Variants in TMEM163 observed in about 807,000 individuals in gnomAD.
TMEM163 encodes the protein transmembrane protein 163.
TMEM163 carries 17 observed loss-of-function variants against 29.3 expected under a neutral mutation model. The observed-to-expected ratio is 0.58, with a 90% confidence interval of 0.40 to 0.87. TMEM163 has a LOEUF of 0.87. TMEM163 is among the 40% of genes least tolerant of loss of function. The pLI, the probability that TMEM163 is intolerant of heterozygous loss-of-function variation, is 0.00. For synonymous variants in TMEM163, 157 were observed against 160.6 expected (o/e 0.98, Z 0.17); for missense variants, 303 against 381.5 (o/e 0.79, Z 1.71).
intron 2 of TMEM163, among the ~76,000 whole-genome samples, chr2:134,582,483 A>G (rs1472040592): frequency 6.6e-6 from 1 of 152,152 alleles, no homozygotes. Context: ...ATAAAACCCC[A>G]TATCTCATTT....
chr2:134,664,538 G>C (rs1473381818), intron 2 of TMEM163, among the ~76,000 whole-genome samples: 1 of 152,192 alleles, frequency 6.6e-6, no homozygotes, highest in Non-Finnish European at 1.5e-5. Flanking sequence ...ATTCAGTAAA[G>C]GTACTTGAGG....
intron 4 of TMEM163, among the ~76,000 whole-genome samples, chr2:134,546,747 A>T (rs1443029659): frequency 6.6e-6 from 1 of 152,036 alleles, no homozygotes; most frequent in Non-Finnish European, 1.5e-5. Flanking sequence ...TGGGAGGCTG[A>T]GGTTGCAGTG....
At chr2:134,625,248 A>C (rs1386453401) in intron 2 of TMEM163, among the ~76,000 whole-genome samples, 2 of 152,250 alleles carry the variant, frequency 1.3e-5, no homozygotes, top group Non-Finnish European at 2.9e-5. Flanking sequence ...CTCAAAAAAA[A>C]GAAATTTCTC....
intron 5 of TMEM163, among the ~76,000 whole-genome samples, chr2:134,497,690 T>C (rs1679603059): frequency 6.6e-6 from 1 of 152,256 alleles, no homozygotes. Flanking sequence ...TACTGGGTAC[T>C]GCATCCATTT....
intron 2 of TMEM163, among the ~76,000 whole-genome samples, chr2:134,658,613 T>G (rs1305413997): frequency 6.6e-6 from 1 of 151,988 alleles, no homozygotes; most frequent in Admixed American, 6.6e-5. Context: ...ATATATATTT[T>G]TTGAGACCGA....
At chr2:134,594,299 C>T (rs1682011020) in intron 2 of TMEM163, among the ~76,000 whole-genome samples, 1 of 152,002 alleles carries the variant, frequency 6.6e-6, no homozygotes, top group Non-Finnish European at 1.5e-5. Flanking sequence ...AAATGTTGAA[C>T]ATTAATGCAA....
chr2:134,656,573 C>A (rs1683622481), intron 2 of TMEM163, among the ~76,000 whole-genome samples: 1 of 152,222 alleles, frequency 6.6e-6, no homozygotes, highest in Admixed American at 6.5e-5. Context: ...GGCTCCTCCC[C>A]CCGCCTTCTA....
rs146916630 is a variant in TMEM163 at position 134,489,299 on chromosome 2, C to T, written c.555+13602G>A. 3.3e-3 allele frequency among the ~76,000 whole-genome samples: 506 copies of T among 152,148 alleles called. 12 individuals are homozygous for T. Among genetic ancestry groups the T allele is most frequent in the Admixed American group, 0.026 (392 of 15,290 alleles). On this transcript the variant is annotated intron_variant, in intron 5 of 7. Transcript: ENST00000281924. ...TAAAAAAGTTGCAGTGTGGGCCAGG[C>T]GTGATGATGATGGTTCACACCTGTA...
chr2:134,695,077 GA>G (rs563546766), intron 2 of TMEM163, among the ~76,000 whole-genome samples: 10 of 151,856 alleles, frequency 6.6e-5, no homozygotes, highest in African/African-American at 1.4e-4. Flanking sequence ...TGGAAAGGAG[GA>G]AAAAAAAATT....
At chr2:134,463,964 G>A (rs71417511) in intron 6 of TMEM163, among the ~76,000 whole-genome samples, 12 of 152,204 alleles carry the variant, frequency 7.9e-5, no homozygotes, top group African/African-American at 2.9e-4. Context: ...CTGCCTGCCT[G>A]TTGCACATGA....
At chr2:134,655,945 C>T (rs1395421695) in intron 2 of TMEM163, among the ~76,000 whole-genome samples, 17 of 144,498 alleles carry the variant, frequency 1.2e-4, no homozygotes, top group African/African-American at 4.8e-4. Context: ...CCACTGCTCT[C>T]TTCAAAGCTG....
intron 2 of TMEM163, among the ~76,000 whole-genome samples, chr2:134,680,569 T>C (rs913521397): frequency 6.6e-6 from 1 of 152,224 alleles, no homozygotes; most frequent in Non-Finnish European, 1.5e-5. Context: ...AATTTTCCTC[T>C]AGTGTTATAT....
At position 134,456,607 on chromosome 2, in the gene TMEM163, T is replaced by C. The variant is rs913535941; in HGVS notation, c.*109A>G. 10 of 1,324,990 alleles carry C rather than the reference T, an allele frequency of 7.5e-6. No individual in the cohort carries two copies. The highest frequency in any genetic ancestry group is 1.1e-5 in the Non-Finnish European group (10 of 942,954). 82.1% of individuals were successfully genotyped at this position (1,324,990 alleles called of 1,614,324 possible). On this transcript the variant is annotated 3_prime_UTR_variant, in exon 8 of 8. Coordinates refer to ENST00000281924, the MANE Select transcript of TMEM163 (RefSeq NM_030923.5). ...GACCTTGTCTTGTAATGACAAACCA[T>C]GTGAAAGAAAACTTCCAAAAAGAAA...
intron 2 of TMEM163, among the ~76,000 whole-genome samples, chr2:134,570,489 T>C (rs555813581): frequency 7.5e-6 from 1 of 133,922 alleles, no homozygotes; most frequent in African/African-American, 3.9e-5. Flanking sequence ...TACATATACA[T>C]ATACATATAC....
At chr2:134,535,434 A>T (rs1300456155) in intron 4 of TMEM163, among the ~76,000 whole-genome samples, 2 of 152,046 alleles carry the variant, frequency 1.3e-5, no homozygotes, top group East Asian at 3.9e-4. Context: ...ATTTTTATTA[A>T]CTCTTCCATG....
Position 134,548,264 on chromosome 2 carries a change from T to C in TMEM163, c.458+2306A>G, listed in dbSNP as rs537613797. On this transcript the variant is annotated intron_variant, in intron 4 of 7. Transcript: ENST00000281924. Reference sequence around the variant, plus strand: ...AAGTTTAACCAATATATCAAAAATATTCTAATATCAACATGTAATGAACAT... The same window carrying C: ...AAGTTTAACCAATATATCAAAAATACTCTAATATCAACATGTAATGAACAT... 9.1e-4 allele frequency among the ~76,000 whole-genome samples: 139 copies of C among 152,292 alleles called. 1 individual carries two copies. Among genetic ancestry groups the C allele is most frequent in the African/African-American group, 3.3e-3 (138 of 41,558 alleles).
intron 2 of TMEM163, among the ~76,000 whole-genome samples, chr2:134,663,410 G>T (rs958272706): frequency 2.0e-5 from 3 of 152,166 alleles, no homozygotes; most frequent in African/African-American, 7.2e-5. Flanking sequence ...TCAAAGTCTT[G>T]CTACTTCCAA....
Position 134,689,220 on chromosome 2 carries a change from T to C in TMEM163, c.322+23980A>G, listed in dbSNP as rs929328726. Among the ~76,000 whole-genome samples, 6 of 151,030 alleles carry C rather than the reference T, an allele frequency of 4.0e-5. No individual in the cohort carries two copies. The East Asian group carries it at 1.0e-3, about 25-fold the overall frequency. On this transcript the variant is annotated intron_variant, in intron 2 of 7. Coordinates refer to ENST00000281924, the MANE Select transcript of TMEM163 (RefSeq NM_030923.5). ...GCCTTCCAGATTCAAGCGATTCTCC[T>C]ATCTCAGCCTCCCAAGTAGCTGGGA...
intron 4 of TMEM163, among the ~76,000 whole-genome samples, chr2:134,514,406 TTAA>T (rs1264246709): frequency 7.7e-5 from 7 of 90,818 alleles, no homozygotes; most frequent in African/African-American, 3.7e-4. Context: ...TTTTTTTTTT[TTAA>T]AAAAAGAGGT....
Sources: allele counts gnomAD v4.1 joint callset (sites outside exome capture counted in the v4.1 genomes callset), GRCh38; gene constraint gnomAD v4.1.1; transcripts MANE v1.5; gene names NCBI Gene and HGNC (gene_info 2026-07-23, HGNC 2026-07-21).